Variants in ERBB4 observed in about 807,000 individuals in gnomAD.
The protein encoded by ERBB4 is receptor tyrosine-protein kinase erbB-4.
In ERBB4, 42 loss-of-function variants were observed where a neutral mutation model predicts 158.0. The ratio of observed to expected loss-of-function variants is 0.27; its 90% confidence interval spans 0.21 to 0.34. The LOEUF is 0.34. Ranked by LOEUF, ERBB4 falls within the 10% of genes least tolerant of loss-of-function variation. The pLI is 1.00. For synonymous variants in ERBB4, 583 were observed against 558.7 expected (o/e 1.04, Z -0.61); for missense variants, 1,333 against 1,624.1 (o/e 0.82, Z 3.08).
intron 3 of ERBB4, among the ~76,000 whole-genome samples, chr2:211,797,751 T>C (rs1460992482): frequency 6.6e-6 from 1 of 151,178 alleles, no homozygotes; most frequent in Non-Finnish European, 1.5e-5. Context: ...AAAGAAGGAG[T>C]CATAAAATAA....
chr2:212,430,054 A>G (rs1046779846), intron 1 of ERBB4, among the ~76,000 whole-genome samples: 34 of 152,210 alleles, frequency 2.2e-4, no homozygotes, highest in Admixed American at 1.4e-3. Context: ...TAGTTGTTGG[A>G]CAGATTAAAT....
At chr2:211,843,415 GCACA>G (rs10673889) in intron 3 of ERBB4, among the ~76,000 whole-genome samples, 13 of 149,928 alleles carry the variant, frequency 8.7e-5, no homozygotes, top group South Asian at 2.1e-4. Flanking sequence ...GCGTGCGTGT[GCACA>G]CACACACACA....
At chr2:212,082,421 G>A (rs1425340984) in intron 2 of ERBB4, among the ~76,000 whole-genome samples, 1 of 151,958 alleles carries the variant, frequency 6.6e-6, no homozygotes, top group Non-Finnish European at 1.5e-5. Flanking sequence ...CAGATTCTGA[G>A]CAAAGAAATT....
At chr2:211,658,005 T>C (rs2071282527) in intron 15 of ERBB4, 177 bp from the exon 16 acceptor site, 2 of 1,590,966 alleles carry the variant, frequency 1.3e-6, no homozygotes, top group Non-Finnish European at 1.7e-6. Context: ...CTGCAGAAAA[T>C]GCAAATTTAA....
chr2:212,350,332 T>C (rs1218223219), intron 1 of ERBB4, among the ~76,000 whole-genome samples: 1 of 152,060 alleles, frequency 6.6e-6, no homozygotes, highest in East Asian at 1.9e-4. Flanking sequence ...CAAGAATAGT[T>C]TCCTTAAGAG....
chr2:212,177,004 G>A (rs895056499), intron 1 of ERBB4, among the ~76,000 whole-genome samples: 3 of 151,702 alleles, frequency 2.0e-5, no homozygotes, highest in Non-Finnish European at 2.9e-5. Flanking sequence ...GAGAAAGAGA[G>A]AGGAATTTCA....
At chr2:211,970,657 G>T (rs553192564) in intron 2 of ERBB4, among the ~76,000 whole-genome samples, 4 of 151,928 alleles carry the variant, frequency 2.6e-5, no homozygotes, top group African/African-American at 9.6e-5. Context: ...TTTGATCTTT[G>T]TTGGTTTGAA....
chr2:212,190,830 T>C (rs1021933293), intron 1 of ERBB4, among the ~76,000 whole-genome samples: 2 of 152,144 alleles, frequency 1.3e-5, no homozygotes, highest in Non-Finnish European at 2.9e-5. Context: ...CCGAGTATTA[T>C]TTTAGGAATT....
intron 1 of ERBB4, among the ~76,000 whole-genome samples, chr2:212,464,618 G>T (rs958730518): frequency 6.6e-6 from 1 of 151,982 alleles, no homozygotes; most frequent in African/African-American, 2.4e-5. Context: ...ACCAATGTCT[G>T]TCAATTAGTA....
intron 5 of ERBB4, among the ~76,000 whole-genome samples, chr2:211,742,699 A>T (rs1265703138): frequency 6.6e-6 from 1 of 152,068 alleles, no homozygotes; most frequent in Non-Finnish European, 1.5e-5. Flanking sequence ...GAAAATGCTA[A>T]ATAATTTCTA....
intron 1 of ERBB4, 84 bp from the exon 2 acceptor site, chr2:212,124,987 T>C (rs940536360): frequency 1.0e-5 from 15 of 1,481,174 alleles, no homozygotes; most frequent in Admixed American, 1.7e-5. Context: ...AAACTCTCTA[T>C]TCCACAAGCC....
chr2:212,186,368 G>C (rs937294821), intron 1 of ERBB4, among the ~76,000 whole-genome samples: 1 of 152,144 alleles, frequency 6.6e-6, no homozygotes. Flanking sequence ...CTGATAATCT[G>C]TCTAGTCAGC....
rs900282682 is a variant in ERBB4, at chr2:211,401,024, G to A, written c.3136-13032C>T. Reference sequence around the variant, plus strand: ...TAAGTAAAATAATGAGAAATAATGTGCAAGTTTCATTTAAATGTCTATTAA... The same window carrying A: ...TAAGTAAAATAATGAGAAATAATGTACAAGTTTCATTTAAATGTCTATTAA... On this transcript the variant is annotated intron_variant, in intron 25 of 27. Coordinates refer to ENST00000342788, the MANE Select transcript of ERBB4 (RefSeq NM_005235.3). Among the ~76,000 whole-genome samples, 18 of 151,964 alleles carry A rather than the reference G, an allele frequency of 1.2e-4. 1 individual carries two copies.
At chr2:212,451,213 A>G (rs1448993580) in intron 1 of ERBB4, among the ~76,000 whole-genome samples, 1 of 152,222 alleles carries the variant, frequency 6.6e-6, no homozygotes, top group Non-Finnish European at 1.5e-5. Flanking sequence ...AAGACTTGGT[A>G]TATGAATAAA....
chr2:212,355,284 C>T (rs957176733), intron 1 of ERBB4, among the ~76,000 whole-genome samples: 1 of 151,912 alleles, frequency 6.6e-6, no homozygotes, highest in African/African-American at 2.4e-5. Flanking sequence ...TATCTAGACC[C>T]TAGGGTTTTG....
At chr2:212,234,037 C>T (rs2083761977) in intron 1 of ERBB4, among the ~76,000 whole-genome samples, 1 of 151,230 alleles carries the variant, frequency 6.6e-6, no homozygotes, top group Non-Finnish European at 1.5e-5. Flanking sequence ...GCAGAACGCA[C>T]AGGTTTGTTA....
At chr2:211,870,294 T>A (rs1217521076) in intron 3 of ERBB4, among the ~76,000 whole-genome samples, 2 of 152,190 alleles carry the variant, frequency 1.3e-5, no homozygotes, top group African/African-American at 4.8e-5. Flanking sequence ...TACAATTCCT[T>A]CATAAAAGTG....
chr2:211,897,876 C>A (rs914569873), intron 3 of ERBB4, among the ~76,000 whole-genome samples: 1 of 151,970 alleles, frequency 6.6e-6, no homozygotes. Flanking sequence ...CCCATCTCAG[C>A]CTCTCAAGTA....
intron 24 of ERBB4, 142 bp from the exon 25 acceptor site, chr2:211,420,753 A>G: frequency 1.4e-6 from 1 of 740,324 alleles, no homozygotes; most frequent in Non-Finnish European, 2.3e-6. Flanking sequence ...TCTTTAGCAC[A>G]ACCACCGGCC....
Sources: gnomAD v4.1 joint callset for allele counts (sites outside exome capture counted in the v4.1 genomes callset) on GRCh38, gnomAD v4.1.1 for gene constraint, MANE v1.5 for transcripts, NCBI Gene and HGNC (gene_info 2026-07-23, HGNC 2026-07-21) for gene names.